Variants in TAF1 observed in about 807,000 individuals in gnomAD.
The protein encoded by TAF1 is TATA-box binding protein associated factor 1, also known as transcription initiation factor TFIID subunit 1.
TAF1 carries 2 observed loss-of-function variants against 138.5 expected under a neutral mutation model. The observed-to-expected ratio is 0.01, with a 90% CI of 0.01 to 0.05. The LOEUF (loss-of-function observed/expected upper bound fraction) is 0.05. Among genes scored for constraint, TAF1 ranks in the 10% least tolerant of loss-of-function variants. The pLI, the probability that TAF1 is intolerant of heterozygous loss-of-function variation, is 1.00. For missense variants in TAF1, 709 were observed against 1,478.0 expected (o/e 0.48, Z 8.53); for synonymous variants, 437 against 503.2 (o/e 0.87, Z 1.76).
intron 20 of TAF1, 56 bp downstream of exon 20, chrX:71,393,050 A>G (rs1297931469): frequency 8.5e-7 from 1 of 1,182,487 alleles, no homozygotes; most frequent in East Asian, 3.0e-5. Flanking sequence ...TAGAGTTGGA[A>G]TTGCTAGGAG....
At chrX:71,368,273 C>A in intron 3 of TAF1, 103 bp downstream of exon 3, 2 of 819,367 alleles carry the variant, frequency 2.4e-6, no homozygotes, top group Non-Finnish European at 3.5e-6. Flanking sequence ...ATTGTTTCTG[C>A]TCTCTATGCC....
chrX:71,368,214 C>T, intron 3 of TAF1, 44 bp downstream of exon 3: 3 of 1,162,380 alleles, frequency 2.6e-6, no homozygotes, highest in Non-Finnish European at 3.5e-6. Context: ...GTGCATTATC[C>T]TGCTGTATAG....
In TAF1 at chrX:71,384,986, G is replaced by A. The variant is rs767946509; in HGVS notation, c.2163G>A (p.Gly721=). ...CTGGAGCACCAGATTGTAAATATGG[G>A]GAAACTGTTTACTGCCATACATCTC... ...KDPGAPDCKY[G]ETVYCHTSPF... is the part of the protein sequence containing the mutation. The change falls in exon 14 of 38, where the codon GGG becomes GGA. Residue 721 remains glycine, a synonymous_variant. Transcript: ENST00000423759. The A allele has an allele frequency of 9.9e-6, 12 of 1,210,809 alleles. No individual in the cohort carries two copies. The South Asian group carries it at 1.9e-4, about 20-fold the overall frequency.
rs139893377 is a variant in TAF1 at position 71,460,634 on chromosome X, C to T, written c.5230C>T (p.Leu1744=). 4.0e-5 allele frequency: 48 copies of T among 1,209,654 alleles called. 1 individual carries two copies. The Middle Eastern group carries it at 2.1e-3, about 52-fold the overall frequency. Residue 1744 remains leucine, a synonymous_variant, in exon 37 of 38, where the codon CTG becomes TTG. Coordinates refer to ENST00000423759, the MANE Select transcript of TAF1 (RefSeq NM_004606.5). ...EGDNPFSAIQ[L]SESGSDSDVG... is the part of the protein sequence containing the mutation. Reference sequence around the variant, plus strand: ...TCTGTCTCTTTTTACAGCTATCCAGCTGAGTGAAAGTGGAAGTGACTCTGA... The same window carrying T: ...TCTGTCTCTTTTTACAGCTATCCAGTTGAGTGAAAGTGGAAGTGACTCTGA...
Position 71,392,679 on chromosome X carries a change from C to T in TAF1, c.2892C>T (p.Phe964=). 8.3e-7 allele frequency: 1 copy of T among 1,206,270 alleles called. No homozygotes were observed. The highest frequency in any genetic ancestry group is 1.1e-6 in the Non-Finnish European group (1 of 893,926). Residue 964 remains phenylalanine, a synonymous_variant, in exon 19 of 38, where the codon TTC becomes TTT. Transcript: ENST00000423759. The stretch of plus-strand genomic sequence containing the variant: ...ATCCCACGGGGTGTGGTGAAGGATT[C>T]TCCTATGTGAAGATTCCAAACAAAC... ...VADPTGCGEG[F]SYVKIPNKPT...
At position 71,465,185 on chromosome X, in the gene TAF1, TA is replaced by T. The variant is rs1490967599; in HGVS notation, c.*1141del. The T allele has an allele frequency of 1.8e-5, 2 of 111,649 alleles. No homozygotes were observed. The highest frequency in any genetic ancestry group is 1.9e-4 in the Admixed American group (2 of 10,401). The allele number at this position is 111,649 out of a possible 1,213,427, so 9.2% of individuals were successfully genotyped here. On this transcript the variant is annotated 3_prime_UTR_variant, in exon 38 of 38. Coordinates refer to ENST00000423759, the MANE Select transcript of TAF1 (RefSeq NM_004606.5). ...CAGATCCTTGGGATGCAAAGGTAAA[TA>T]AGACAAATCCCTTTTACCCAAAGAG...
intron 29 of TAF1, among the ~76,000 whole-genome samples, chrX:71,421,580 G>T (rs1300687608): frequency 8.9e-6 from 1 of 111,943 alleles, no homozygotes. Context: ...TAGAAGAAAA[G>T]TATTTGCTCT....
At chrX:71,526,494 A>G (rs12852788) in intron 13 of TAF1, among the ~76,000 whole-genome samples, 13 of 112,337 alleles carry the variant, frequency 1.2e-4, no homozygotes, top group African/African-American at 4.2e-4. Context: ...AGGACAAACC[A>G]CAGATGAAAA....
intron 28 of TAF1, chrX:71,419,934 TC>T (rs1195967974): frequency 2.8e-5 from 6 of 214,788 alleles, no homozygotes; most frequent in Middle Eastern, 1.7e-3. Context: ...TATGGGATTC[TC>T]CCCCCCTTCC....
At chrX:71,400,531 G>T (rs2035122857) in intron 24 of TAF1, among the ~76,000 whole-genome samples, 1 of 111,880 alleles carries the variant, frequency 8.9e-6, no homozygotes, top group Non-Finnish European at 1.9e-5. Context: ...CATAACTTAG[G>T]ATCACAGATA....
rs745592808 is a variant in TAF1, at chrX:71,462,660, A to G, written c.5400-1164A>G. 1.6e-4 allele frequency among the ~76,000 whole-genome samples: 18 copies of G among 111,896 alleles called. No homozygotes were observed. The East Asian group carries it at 5.0e-3, about 31-fold the overall frequency. On this transcript the variant is annotated intron_variant, in intron 37 of 37. Transcript: ENST00000423759. ...GAAGTGCAATTTTTTTACCTATCAT[A>G]TTGGTGATTAAAGTGAATGATAATG...
chrX:71,485,969 ATTAT>A (rs1043169793), intron 13 of TAF1, among the ~76,000 whole-genome samples: 1 of 109,148 alleles, frequency 9.2e-6, no homozygotes, highest in Non-Finnish European at 1.9e-5. Flanking sequence ...TTATTTATTT[ATTAT>A]TTATTTATTT....
chrX:71,381,295 ACT>A (rs1336781580), intron 8 of TAF1, among the ~76,000 whole-genome samples: 1 of 111,662 alleles, frequency 9.0e-6, no homozygotes, highest in Admixed American at 9.5e-5. Flanking sequence ...ACAGAATTTC[ACT>A]CTTGTTGCCC....
downstream of TAF1, among the ~76,000 whole-genome samples, chrX:71,470,949 C>T (rs1230546435): frequency 2.8e-5 from 3 of 108,953 alleles, no homozygotes; most frequent in African/African-American, 1.0e-4. Flanking sequence ...AGCCCAGGAG[C>T]TCGAAGCTAC....
chrX:71,389,728 C>T (rs2034450085), intron 18 of TAF1, 63 bp downstream of exon 18: 1 of 898,839 alleles, frequency 1.1e-6, no homozygotes, highest in African/African-American at 2.0e-5. Flanking sequence ...TTAAAAGAGA[C>T]AGCTTTATTG....
intron 32 of TAF1, among the ~76,000 whole-genome samples, chrX:71,425,852 T>C (rs907329880): frequency 9.0e-6 from 1 of 111,652 alleles, no homozygotes; most frequent in East Asian, 2.8e-4. Context: ...TAATATCAAA[T>C]TAGATATGGT....
chrX:71,513,264 G>A (rs2039765371), intron 13 of TAF1, among the ~76,000 whole-genome samples: 1 of 111,745 alleles, frequency 8.9e-6, no homozygotes. Flanking sequence ...TCATGGAGCA[G>A]TCTGCTGAAA....
At chrX:71,444,535 A>G (rs1488004686) in intron 32 of TAF1, among the ~76,000 whole-genome samples, 1 of 110,640 alleles carries the variant, frequency 9.0e-6, no homozygotes, top group East Asian at 2.9e-4. Context: ...CCTACGCAAT[A>G]TAGTGAGATC....
At chrX:71,477,666 T>G (rs1454780813) in intron 13 of TAF1, among the ~76,000 whole-genome samples, 1 of 112,284 alleles carries the variant, frequency 8.9e-6, no homozygotes, top group Admixed American at 9.5e-5. Flanking sequence ...AATCATAAAA[T>G]AAAATTTGGA....
Sources: gnomAD v4.1 joint callset for allele counts (sites outside exome capture counted in the v4.1 genomes callset) on GRCh38, gnomAD v4.1.1 for gene constraint, MANE v1.5 for transcripts, NCBI Gene and HGNC (gene_info 2026-07-23, HGNC 2026-07-21) for gene names.